The following LRMDA variants were observed in gnomAD, a reference collection of about 807,000 sequenced individuals.
The protein encoded by LRMDA is leucine rich melanocyte differentiation associated.
In LRMDA, 18 loss-of-function variants were observed where a neutral mutation model predicts 29.8. The observed-to-expected ratio is 0.60, with a 90% CI of 0.42 to 0.90. The LOEUF (loss-of-function observed/expected upper bound fraction) is 0.90, where lower values mean the gene tolerates loss of function less well. LRMDA is among the 40% of genes least tolerant of loss of function. LRMDA has a pLI of 0.00. For missense variants in LRMDA, 273 were observed against 273.9 expected, an observed-to-expected ratio of 1.00 and a Z score of 0.02; for synonymous variants, 125 against 109.4, an observed-to-expected ratio of 1.14 and a Z score of -0.89.
Position 76,039,419 on chromosome 10 carries a change from G to T in LRMDA, c.258+3285G>T, listed in dbSNP as rs578079112. Among the ~76,000 whole-genome samples the T allele has an allele frequency of 1.4e-3, 210 of 152,302 alleles. 1 individual carries two copies. The highest frequency in any genetic ancestry group is 4.9e-3 in the African/African-American group (203 of 41,562). The stretch of plus-strand genomic sequence containing the variant: ...ATGAGGTTTTATCTTGAATCCTTTT[G>T]TGAAGTTAGCTTTATTTTAAATTTT... On this transcript the variant is annotated intron_variant, in intron 3 of 6. Transcript: ENST00000611255.
In LRMDA at chr10:75,906,820, T is replaced by A. The variant is rs545411946; in HGVS notation, c.132-129188T>A. The stretch of plus-strand genomic sequence containing the variant: ...GGTGCCTCTTTGAAACACAAGATGC[T>A]TTACTTCTCTAGCAAAGGAGGCCCT... On this transcript the variant is annotated intron_variant, in intron 2 of 6. Transcript: ENST00000611255. 9.4e-4 allele frequency among the ~76,000 whole-genome samples: 143 copies of A among 152,374 alleles called. 1 individual carries two copies. The highest frequency in any genetic ancestry group is 3.2e-3 in the African/African-American group (133 of 41,586).
intron 6 of LRMDA, among the ~76,000 whole-genome samples, chr10:76,348,200 A>G (rs1014028821): frequency 2.0e-5 from 3 of 152,190 alleles, no homozygotes; most frequent in Non-Finnish European, 4.4e-5. Flanking sequence ...CCCTCAAATC[A>G]GGCTTCTTCT....
intron 2 of LRMDA, among the ~76,000 whole-genome samples, chr10:75,722,626 C>T (rs1406179016): frequency 1.3e-5 from 2 of 152,130 alleles, no homozygotes; most frequent in Non-Finnish European, 2.9e-5. Flanking sequence ...ACAAATCTGA[C>T]TCTGTATGGT....
Position 75,431,648 on chromosome 10 carries a change from G to T in LRMDA, c.-77G>T. 1 of 1,185,140 alleles carries T rather than the reference G, an allele frequency of 8.4e-7. No individual in the cohort carries two copies. The highest frequency in any genetic ancestry group is 1.0e-6 in the Non-Finnish European group (1 of 954,474). The allele number at this position is 1,185,140 out of a possible 1,614,324, so 73.4% of individuals were successfully genotyped here. A position where few individuals can be genotyped will look rare whatever the true frequency, so the allele number is the denominator to read the frequency against. ...CAGTGCGGAACTGTGCGCCCGCCGC[G>T]CTCCCCTGCCGCGCTCCCCGCTGCT... On this transcript the variant is annotated 5_prime_UTR_variant, in exon 1 of 7. Transcript: ENST00000611255.
intron 6 of LRMDA, among the ~76,000 whole-genome samples, chr10:76,383,894 C>A (rs1841627144): frequency 6.6e-6 from 1 of 152,202 alleles, no homozygotes; most frequent in African/African-American, 2.4e-5. Context: ...AACCAGCTAC[C>A]CACCAGTCAC....
intron 5 of LRMDA, among the ~76,000 whole-genome samples, chr10:76,252,963 C>T (rs1408294071): frequency 1.3e-5 from 2 of 152,170 alleles, no homozygotes; most frequent in Non-Finnish European, 2.9e-5. Context: ...CATTTCATCC[C>T]GCATCCCACC....
At chr10:76,489,822 C>T (rs1377282918) in intron 6 of LRMDA, among the ~76,000 whole-genome samples, 1 of 150,000 alleles carries the variant, frequency 6.7e-6, no homozygotes, top group East Asian at 2.0e-4. Flanking sequence ...ACTATCTGTT[C>T]CCCAATTATA....
chr10:75,736,279 C>T (rs1204749270), intron 2 of LRMDA, among the ~76,000 whole-genome samples: 2 of 152,126 alleles, frequency 1.3e-5, no homozygotes, highest in Non-Finnish European at 1.5e-5. Context: ...GGTCAGTGGC[C>T]TAATAATGCA....
intron 2 of LRMDA, among the ~76,000 whole-genome samples, chr10:75,453,017 AG>A (rs1377469231): frequency 1.3e-5 from 2 of 152,208 alleles, no homozygotes; most frequent in Non-Finnish European, 2.9e-5. Context: ...TGAGAGGAAA[AG>A]ACTTGTATAT....
intron 5 of LRMDA, among the ~76,000 whole-genome samples, chr10:76,148,045 A>G (rs1476014325): frequency 6.6e-6 from 1 of 152,146 alleles, no homozygotes; most frequent in Non-Finnish European, 1.5e-5. Context: ...TTCCTCTGGA[A>G]GTTTTGTCTC....
At chr10:75,739,907 A>C (rs1394943944) in intron 2 of LRMDA, among the ~76,000 whole-genome samples, 3 of 152,166 alleles carry the variant, frequency 2.0e-5, no homozygotes, top group Non-Finnish European at 4.4e-5. Context: ...AAAATGACAG[A>C]GCTGTTTACA....
Position 76,522,646 on chromosome 10 carries a change from A to G in LRMDA, c.602-34563A>G, listed in dbSNP as rs77759375. Among the ~76,000 whole-genome samples, 24 of 152,236 alleles carry G rather than the reference A, an allele frequency of 1.6e-4. 1 individual carries two copies. Among genetic ancestry groups the G allele is most frequent in the African/African-American group, 5.8e-4 (24 of 41,538 alleles). On this transcript the variant is annotated intron_variant, in intron 6 of 6. Transcript: ENST00000611255. The stretch of plus-strand genomic sequence containing the variant: ...GTTTCATCCAGTGCATTTTTCTACA[A>G]CTCATGTGCATTTCTTTTGAAACTT...
chr10:75,821,318 G>C (rs1042627049), intron 2 of LRMDA, among the ~76,000 whole-genome samples: 4 of 152,174 alleles, frequency 2.6e-5, no homozygotes, highest in Non-Finnish European at 4.4e-5. Context: ...AGTATACTGT[G>C]ATCAGGTGGG....
At chr10:75,514,857 T>C (rs1342685440) in intron 2 of LRMDA, among the ~76,000 whole-genome samples, 1 of 151,950 alleles carries the variant, frequency 6.6e-6, no homozygotes, top group Non-Finnish European at 1.5e-5. Flanking sequence ...AGTGTTCCTT[T>C]ATAACAATAC....
At chr10:75,589,569 A>G (rs1201253747) in intron 2 of LRMDA, among the ~76,000 whole-genome samples, 2 of 152,050 alleles carry the variant, frequency 1.3e-5, no homozygotes, top group Non-Finnish European at 2.9e-5. Context: ...CCTGGGCAAC[A>G]TGGTGAAACT....
chr10:76,320,665 T>C (rs1244742856), intron 5 of LRMDA, among the ~76,000 whole-genome samples: 4 of 152,210 alleles, frequency 2.6e-5, no homozygotes, highest in African/African-American at 9.6e-5. Context: ...GTAGAAAACT[T>C]TTAAAAATAA....
At chr10:75,985,735 GA>G (rs2132454062) in intron 2 of LRMDA, among the ~76,000 whole-genome samples, 1 of 152,324 alleles carries the variant, frequency 6.6e-6, no homozygotes, top group East Asian at 1.9e-4. Context: ...GAGATGGAGG[GA>G]GGTGGGAGGA....
chr10:76,298,772 T>C (rs947588480), intron 5 of LRMDA, among the ~76,000 whole-genome samples: 2 of 152,208 alleles, frequency 1.3e-5, no homozygotes, highest in African/African-American at 4.8e-5. Flanking sequence ...CTACTCAGTT[T>C]CTTATAGGTT....
chr10:76,485,127 C>T (rs1842769124), intron 6 of LRMDA, among the ~76,000 whole-genome samples: 1 of 151,802 alleles, frequency 6.6e-6, no homozygotes, highest in African/African-American at 2.4e-5. Context: ...AGACTATTTT[C>T]ATTTACAGTG....
Sources: allele counts gnomAD v4.1 joint callset (sites outside exome capture counted in the v4.1 genomes callset), GRCh38; gene constraint gnomAD v4.1.1; transcripts MANE v1.5; gene names NCBI Gene and HGNC (gene_info 2026-07-23, HGNC 2026-07-21).